The following NELL2 variants were observed in gnomAD, a reference collection of about 807,000 sequenced individuals.
NELL2 encodes neural EGFL like 2, also known as protein kinase C-binding protein NELL2.
NELL2 carries 41 observed loss-of-function variants against 109.6 expected under a neutral mutation model. The ratio of observed to expected loss-of-function variants is 0.37; its 90% CI spans 0.29 to 0.49. The LOEUF (loss-of-function observed/expected upper bound fraction) is 0.49, where lower values mean the gene tolerates loss of function less well. Among genes scored for constraint, NELL2 ranks in the 20% least tolerant of loss-of-function variants. The pLI, the probability that NELL2 is intolerant of heterozygous loss-of-function variation, is 0.98. For synonymous variants in NELL2, 355 were observed against 344.7 expected, an observed-to-expected ratio of 1.03 and a Z score of -0.33; for missense variants, 900 against 1,008.3, an observed-to-expected ratio of 0.89 and a Z score of 1.45.
intron 8 of NELL2, among the ~76,000 whole-genome samples, chr12:44,775,110 T>G (rs866699000): frequency 6.6e-5 from 10 of 152,192 alleles, no homozygotes; most frequent in Middle Eastern, 3.4e-3. Flanking sequence ...TTTATTGACT[T>G]CACTATACCA....
At chr12:44,678,751 C>T (rs1191503913) in intron 12 of NELL2, among the ~76,000 whole-genome samples, 2 of 151,882 alleles carry the variant, frequency 1.3e-5, no homozygotes, top group Non-Finnish European at 1.5e-5. Flanking sequence ...AGGGAGAGGT[C>T]GATAGAATTA....
chr12:44,817,827 A>G (rs1188687332), intron 2 of NELL2, among the ~76,000 whole-genome samples: 1 of 152,164 alleles, frequency 6.6e-6, no homozygotes, highest in African/African-American at 2.4e-5. Context: ...GCCACTGAGA[A>G]ATGATCCCTC....
chr12:44,739,330 A>G (rs73285443), intron 9 of NELL2, among the ~76,000 whole-genome samples: 8,132 of 152,250 alleles, frequency 0.053, 682 homozygotes, highest in African/African-American at 0.18. Flanking sequence ...CTATCTATAC[A>G]TCTAAATGGT....
At chr12:44,592,221 A>G (rs1433585968) in intron 15 of NELL2, among the ~76,000 whole-genome samples, 1 of 152,226 alleles carries the variant, frequency 6.6e-6, no homozygotes, top group Non-Finnish European at 1.5e-5. Context: ...TAAAGTTGCT[A>G]TTATGATTTA....
chr12:44,591,520 G>C (rs1360037889), intron 15 of NELL2, among the ~76,000 whole-genome samples: 1 of 152,098 alleles, frequency 6.6e-6, no homozygotes, highest in Non-Finnish European at 1.5e-5. Flanking sequence ...GCCAGGTGCA[G>C]AAAGAGAAAT....
At chr12:44,813,257 T>C (rs1943237102) in intron 3 of NELL2, among the ~76,000 whole-genome samples, 2 of 152,330 alleles carry the variant, frequency 1.3e-5, no homozygotes, top group Middle Eastern at 3.4e-3. Context: ...GCACAGTGCC[T>C]GGCACATGGT....
At chr12:44,773,208 G>A (rs1364219697) in intron 9 of NELL2, among the ~76,000 whole-genome samples, 1 of 152,198 alleles carries the variant, frequency 6.6e-6, no homozygotes, top group Non-Finnish European at 1.5e-5. Flanking sequence ...GGGCACGGTG[G>A]CTCACGCCTG....
Position 44,776,086 on chromosome 12 carries a change from A to T in NELL2, c.827T>A (p.Met276Lys). The T allele has an allele frequency of 6.2e-7, 1 of 1,614,136 alleles. No homozygotes were observed. Among genetic ancestry groups the T allele is most frequent in the Non-Finnish European group, 8.5e-7 (1 of 1,179,988 alleles). Residue 276 changes from methionine to lysine, a missense_variant, in exon 8 of 20, where the codon ATG becomes AAG. Physicochemically the swap from Met to Lys is moderately conservative, Grantham distance 95. Around this residue, in one of 4 missense-constraint regions of NELL2, gnomAD observed 292 missense variants for 265.3 expected, o/e 1.10. Transcript: ENST00000429094. The part of the protein sequence containing the change: ...DQCYCERTCT[M>K]KGTTYREFES... ...AAATTCTCGGTAGGTGGTTCCCTTCATGGTGCAAGTCCTTTCACAATAGCA... is the reference window on the plus strand; with the variant it reads ...AAATTCTCGGTAGGTGGTTCCCTTCTTGGTGCAAGTCCTTTCACAATAGCA...
chr12:44,747,024 C>T (rs1356093459), intron 9 of NELL2, among the ~76,000 whole-genome samples: 1 of 152,128 alleles, frequency 6.6e-6, no homozygotes, highest in African/African-American at 2.4e-5. Context: ...GCACTATTCA[C>T]AATAGCAAAG....
chr12:44,519,860 G>C (rs1314782938), intron 19 of NELL2, 145 bp downstream of exon 19: 1 of 710,000 alleles, frequency 1.4e-6, no homozygotes, highest in Admixed American at 2.6e-5. Context: ...ACTAACAGCT[G>C]AGTGGCATTC....
intron 13 of NELL2, among the ~76,000 whole-genome samples, chr12:44,662,483 C>G (rs905213914): frequency 6.6e-6 from 1 of 152,160 alleles, no homozygotes; most frequent in East Asian, 1.9e-4. Context: ...AAAGCAATCT[C>G]TCTGAGCCTC....
intron 18 of NELL2, 79 bp downstream of exon 18, chr12:44,521,921 C>T: frequency 1.4e-6 from 2 of 1,432,762 alleles, no homozygotes; most frequent in Non-Finnish European, 1.9e-6. Context: ...TAGGTATTGG[C>T]AGATGGGGAG....
At position 44,556,608 on chromosome 12, in the gene NELL2, C is replaced by T. The variant is rs1035760720; in HGVS notation, c.1664-23887G>A. On this transcript the variant is annotated intron_variant, in intron 15 of 19. Transcript: ENST00000429094. The stretch of plus-strand genomic sequence containing the variant: ...CTTTAATAGCAAACTGGGCCTCCTC[C>T]ATGGATGTGAGGGGCTTTGTTAAAG... Among the ~76,000 whole-genome samples, 3 of 152,126 alleles carry T rather than the reference C, an allele frequency of 2.0e-5. No individual in the cohort carries two copies. The South Asian group carries it at 6.2e-4, about 32-fold the overall frequency.
At chr12:44,634,600 C>A (rs1330011888) in intron 13 of NELL2, among the ~76,000 whole-genome samples, 2 of 152,134 alleles carry the variant, frequency 1.3e-5, no homozygotes, top group Admixed American at 6.6e-5. Context: ...GGTTCCAAAT[C>A]TTTGCTATCA....
chr12:44,766,087 GAAAA>G (rs572286226), intron 9 of NELL2, among the ~76,000 whole-genome samples: 1 of 112,770 alleles, frequency 8.9e-6, no homozygotes, highest in Non-Finnish European at 1.9e-5. Context: ...CTCCGTATCA[GAAAA>G]AAAAAAAAAA....
intron 2 of NELL2, among the ~76,000 whole-genome samples, chr12:44,819,479 A>G (rs928817976): frequency 6.6e-6 from 1 of 152,238 alleles, no homozygotes; most frequent in Non-Finnish European, 1.5e-5. Context: ...TAGTGTTTGC[A>G]CTACTTGTCA....
chr12:44,787,148 A>C (rs926843900), intron 3 of NELL2, among the ~76,000 whole-genome samples: 5 of 152,216 alleles, frequency 3.3e-5, no homozygotes, highest in African/African-American at 9.6e-5. Context: ...CATGGATACC[A>C]AAATTAAAAA....
At chr12:44,519,899 G>GA (rs60797262) in intron 19 of NELL2, 106 bp downstream of exon 19, 162,124 of 745,786 alleles carry the variant, frequency 0.22, 22 homozygotes, top group East Asian at 0.29. Context: ...AAATAAACAG[G>GA]AAAAAAAAAA....
chr12:44,876,361 G>C (rs1032474687), upstream of NELL2: 3 of 1,222,252 alleles, frequency 2.5e-6, no homozygotes, highest in Non-Finnish European at 2.0e-6. Flanking sequence ...CCTCCGGGGA[G>C]GGAGGGGCGG....
Sources: gnomAD v4.1 joint callset for allele counts (sites outside exome capture counted in the v4.1 genomes callset) on GRCh38, gnomAD v4.1.1 for gene constraint, gnomAD v4.1.1 regional missense constraint, MANE v1.5 for transcripts, NCBI Gene and HGNC (gene_info 2026-07-23, HGNC 2026-07-21) for gene names.